MFHAS1: variants seen among roughly 807,000 people sequenced by gnomAD.
MFHAS1 encodes the protein malignant fibrous histiocytoma-amplified sequence 1.
MFHAS1 carries 50 observed loss-of-function variants against 70.4 expected under a neutral mutation model. The ratio of observed to expected loss-of-function variants is 0.71; its 90% confidence interval spans 0.57 to 0.90. The LOEUF (loss-of-function observed/expected upper bound fraction) is 0.90. MFHAS1 is among the 40% of genes least tolerant of loss of function. The pLI is 0.00. For synonymous variants in MFHAS1, 952 were observed against 620.0 expected (o/e 1.54, Z -7.96); for missense variants, 1,795 against 1,347.6 (o/e 1.33, Z -5.20).
chr8:8,879,637 G>C (rs1248097174), intron 1 of MFHAS1, among the ~76,000 whole-genome samples: 2 of 152,088 alleles, frequency 1.3e-5, no homozygotes, highest in African/African-American at 4.8e-5. Flanking sequence ...AAAATCAAAA[G>C]CCAGGGTTCC....
intron 1 of MFHAS1, among the ~76,000 whole-genome samples, chr8:8,881,096 A>G (rs75101186): frequency 0.022 from 3,409 of 152,272 alleles, 122 homozygotes; most frequent in African/African-American, 0.077. Flanking sequence ...CTCCTGCTCC[A>G]ACGTGCACTT....
In MFHAS1 at chr8:8,893,090, A is replaced by C. The variant is rs1363522658; in HGVS notation, c.-32T>G. 2.2e-5 allele frequency: 31 copies of C among 1,415,788 alleles called. No individual in the cohort carries two copies. Among genetic ancestry groups the C allele is most frequent in the Non-Finnish European group, 2.9e-5 (31 of 1,086,216 alleles). The allele number at this position is 1,415,788 out of a possible 1,614,324, so 87.7% of individuals were successfully genotyped here. A position where few individuals can be genotyped will look rare whatever the true frequency, so the allele number is the denominator to read the frequency against. ...GCCCCGGGCCGACAGCCTCACGCGGACGCGGGAGCCCGCAGCTACATGCCG... is the reference window on the plus strand; with the variant it reads ...GCCCCGGGCCGACAGCCTCACGCGGCCGCGGGAGCCCGCAGCTACATGCCG... On this transcript the variant is annotated 5_prime_UTR_variant, in exon 1 of 3. Coordinates refer to ENST00000276282, the MANE Select transcript of MFHAS1 (RefSeq NM_004225.3).
intron 1 of MFHAS1, among the ~76,000 whole-genome samples, chr8:8,826,706 C>G (rs1290049398): frequency 6.6e-6 from 1 of 152,332 alleles, no homozygotes; most frequent in South Asian, 2.1e-4. Flanking sequence ...GCACTCCAGC[C>G]TGGGTGACAG....
chr8:8,826,032 G>C (rs749839614), intron 1 of MFHAS1, among the ~76,000 whole-genome samples: 5 of 152,102 alleles, frequency 3.3e-5, no homozygotes, highest in Non-Finnish European at 5.9e-5. Flanking sequence ...GTACCCAAGA[G>C]GTTCTGATAA....
At chr8:8,861,475 G>C (rs1296750156) in intron 1 of MFHAS1, among the ~76,000 whole-genome samples, 1 of 152,034 alleles carries the variant, frequency 6.6e-6, no homozygotes, top group Non-Finnish European at 1.5e-5. Flanking sequence ...CATATACAAA[G>C]GATATAATCA....
intron 1 of MFHAS1, among the ~76,000 whole-genome samples, chr8:8,814,368 G>C (rs751143442): frequency 7.9e-5 from 12 of 152,206 alleles, no homozygotes; most frequent in Non-Finnish European, 1.2e-4. Context: ...TGTAGCCCAA[G>C]AGCAATAGGC....
At chr8:8,795,429 C>G (rs1314024121) in intron 2 of MFHAS1, among the ~76,000 whole-genome samples, 3 of 152,138 alleles carry the variant, frequency 2.0e-5, no homozygotes, top group African/African-American at 4.8e-5. Flanking sequence ...ATTCTGTAAT[C>G]CTATTTTAAT....
intron 1 of MFHAS1, among the ~76,000 whole-genome samples, chr8:8,867,759 G>A (rs528923618): frequency 1.4e-4 from 21 of 151,946 alleles, no homozygotes; most frequent in Non-Finnish European, 2.2e-4. Flanking sequence ...GGGTTTCACC[G>A]TGTTAGGCAG....
chr8:8,786,205 T>G (rs1805536634), intron 2 of MFHAS1, 150 bp from the exon 3 acceptor site: 1 of 724,524 alleles, frequency 1.4e-6, no homozygotes, highest in African/African-American at 1.8e-5. Context: ...CATGTAAATG[T>G]CAGGCAACTT....
At chr8:8,880,099 T>G (rs982141694) in intron 1 of MFHAS1, among the ~76,000 whole-genome samples, 4 of 152,198 alleles carry the variant, frequency 2.6e-5, no homozygotes, top group African/African-American at 9.6e-5. Flanking sequence ...GAGGCTTGGA[T>G]GCCCTCCTTT....
chr8:8,862,798 G>A (rs1286987849), intron 1 of MFHAS1, among the ~76,000 whole-genome samples: 1 of 152,146 alleles, frequency 6.6e-6, no homozygotes, highest in East Asian at 1.9e-4. Context: ...TGCTACTAAT[G>A]GAGGAGGCTG....
intron 1 of MFHAS1, among the ~76,000 whole-genome samples, chr8:8,852,472 C>T (rs1316667635): frequency 8.6e-6 from 1 of 115,828 alleles, no homozygotes; most frequent in African/African-American, 3.4e-5. Context: ...CTCTCTCAAA[C>T]ACACACACAC....
At chr8:8,879,893 C>T (rs1809446833) in intron 1 of MFHAS1, among the ~76,000 whole-genome samples, 1 of 152,234 alleles carries the variant, frequency 6.6e-6, no homozygotes. Flanking sequence ...CCACCATCAC[C>T]ACCCGCTGCC....
intron 1 of MFHAS1, among the ~76,000 whole-genome samples, chr8:8,813,523 G>T (rs1312022752): frequency 6.6e-6 from 1 of 152,294 alleles, no homozygotes; most frequent in East Asian, 1.9e-4. Flanking sequence ...TCCTGACCCT[G>T]TGTAGGCCTG....
chr8:8,892,648 C>T lies in MFHAS1; in HGVS notation c.411G>A (p.Leu137=), dbSNP rs762095389. 1.3e-6 allele frequency: 2 copies of T among 1,595,282 alleles called. No individual in the cohort carries two copies. The highest frequency in any genetic ancestry group is 1.7e-6 in the Non-Finnish European group (2 of 1,171,662). The stretch of plus-strand genomic sequence containing the variant: ...GGTTGTGGCTGAGGTTGAGCTTCCG[C>T]AGCTCCCTCAGAGCACTCACCACCT... The part of the protein sequence containing the change: ...GAEVVSALRE[L]RKLNLSHNQL... The change falls in exon 1 of 3, where the codon CTG becomes CTA. Residue 137 remains leucine (L), a synonymous_variant. Transcript: ENST00000276282. The surrounding 1 kb of genome is among the most constrained non-coding windows in gnomAD (Gnocchi z 4.7).
At chr8:8,849,818 T>C (rs1221787712) in intron 1 of MFHAS1, among the ~76,000 whole-genome samples, 1 of 152,242 alleles carries the variant, frequency 6.6e-6, no homozygotes, top group Non-Finnish European at 1.5e-5. Flanking sequence ...AACCAAATCC[T>C]GAAGACGGTT....
intron 1 of MFHAS1, among the ~76,000 whole-genome samples, chr8:8,849,031 A>C (rs1174000236): frequency 6.6e-6 from 1 of 150,894 alleles, no homozygotes; most frequent in Non-Finnish European, 1.5e-5. Context: ...CACAATGCAA[A>C]GAACAGCTCT....
Position 8,797,394 on chromosome 8 carries a change from G to C in MFHAS1, c.3096C>G (p.Pro1032=). ...ERVNVALVYP[P]TPTVISPCSK... ...AACAGGGGCTGATCACAGTCGGCGTGGGTGGGTAAACCAAGGCAACATTTA... is the reference window on the plus strand; with the variant it reads ...AACAGGGGCTGATCACAGTCGGCGTCGGTGGGTAAACCAAGGCAACATTTA... The change falls in exon 2 of 3, where the codon CCC becomes CCG. Residue 1032 remains proline (P), a synonymous_variant. Coordinates refer to ENST00000276282, the MANE Select transcript of MFHAS1 (RefSeq NM_004225.3). 6.2e-7 allele frequency: 1 copy of C among 1,614,086 alleles called. No individual in the cohort carries two copies. The highest frequency in any genetic ancestry group is 8.5e-7 in the Non-Finnish European group (1 of 1,180,004).
At chr8:8,831,293 C>A (rs1807378116) in intron 1 of MFHAS1, among the ~76,000 whole-genome samples, 1 of 152,060 alleles carries the variant, frequency 6.6e-6, no homozygotes, top group South Asian at 2.1e-4. Flanking sequence ...TTGGGAGTCA[C>A]AAATCAGTCC....
Sources: gnomAD v4.1 joint callset for allele counts (sites outside exome capture counted in the v4.1 genomes callset) on GRCh38, gnomAD v4.1.1 for gene constraint, Gnocchi (gnomAD v3.1) non-coding constraint, MANE v1.5 for transcripts, NCBI Gene and HGNC (gene_info 2026-07-23, HGNC 2026-07-21) for gene names.